Variants in CALN1 observed in about 807,000 individuals in gnomAD.
The protein encoded by CALN1 is calcium-binding protein 8.
A neutral mutation model predicts 30.6 loss-of-function variants in CALN1; 17 were observed. The observed-to-expected ratio is 0.56, with a 90% CI of 0.38 to 0.83. CALN1 has a LOEUF of 0.83. Among genes scored for constraint, CALN1 ranks in the 40% least tolerant of loss-of-function variants. The pLI is 0.00. For missense variants in CALN1, 291 were observed against 354.9 expected, an observed-to-expected ratio of 0.82 and a Z score of 1.45; for synonymous variants, 156 against 131.4, an observed-to-expected ratio of 1.19 and a Z score of -1.28.
intron 2 of CALN1, among the ~76,000 whole-genome samples, chr7:72,302,773 T>C (rs981740923): frequency 6.6e-6 from 1 of 151,054 alleles, no homozygotes; most frequent in African/African-American, 2.4e-5. Context: ...TGGGCACCTG[T>C]AGTCCCAGCT....
intron 5 of CALN1, among the ~76,000 whole-genome samples, chr7:71,846,816 C>T (rs1790268407): frequency 1.8e-5 from 2 of 113,626 alleles, no homozygotes; most frequent in South Asian, 6.2e-4. Flanking sequence ...GCAATATATA[C>T]ATAAATATGT....
At chr7:72,203,321 C>T (rs755097137) in intron 3 of CALN1, among the ~76,000 whole-genome samples, 6 of 151,760 alleles carry the variant, frequency 4.0e-5, no homozygotes, top group Admixed American at 6.6e-5. Context: ...CCTGCACATT[C>T]TGCACATGTA....
chr7:72,422,409 G>GC (rs1161204205), intron 1 of CALN1, among the ~76,000 whole-genome samples: 12 of 152,122 alleles, frequency 7.9e-5, no homozygotes, highest in African/African-American at 2.4e-4. Flanking sequence ...GTAACCACAA[G>GC]CCCCCCTGGC....
chr7:72,275,284 A>G (rs1209168283), intron 3 of CALN1, among the ~76,000 whole-genome samples: 1 of 152,084 alleles, frequency 6.6e-6, no homozygotes, highest in Non-Finnish European at 1.5e-5. Context: ...AGTGCCCCCA[A>G]CCAGCAGAAC....
chr7:72,306,877 TC>T, intron 2 of CALN1, among the ~76,000 whole-genome samples: 2 of 152,176 alleles, frequency 1.3e-5, no homozygotes, highest in Admixed American at 6.5e-5. Context: ...CCTATTTGGC[TC>T]AGAATAAATC....
chr7:71,953,372 C>T (rs1048110357), intron 5 of CALN1, among the ~76,000 whole-genome samples: 4 of 152,076 alleles, frequency 2.6e-5, no homozygotes, highest in Admixed American at 6.5e-5. Context: ...TAAGTAGATG[C>T]GTATCAACAC....
At chr7:72,142,860 A>G (rs1401321575) in intron 3 of CALN1, among the ~76,000 whole-genome samples, 1 of 152,172 alleles carries the variant, frequency 6.6e-6, no homozygotes, top group Non-Finnish European at 1.5e-5. Flanking sequence ...TACCCAGGCA[A>G]ACAAGGTCTG....
chr7:72,033,763 A>T (rs1230139050), intron 4 of CALN1, among the ~76,000 whole-genome samples: 1 of 152,162 alleles, frequency 6.6e-6, no homozygotes, highest in African/African-American at 2.4e-5. Context: ...TTCGATGCAG[A>T]GTCAGTAGAA....
At chr7:72,139,305 C>T (rs2129543338) in intron 3 of CALN1, among the ~76,000 whole-genome samples, 1 of 151,998 alleles carries the variant, frequency 6.6e-6, no homozygotes, top group African/African-American at 2.4e-5. Context: ...CCACACCCAC[C>T]CTCTTCTACC....
In CALN1 at chr7:72,330,302, G is replaced by T. The variant is rs919411242; in HGVS notation, c.120-51492C>A. Among the ~76,000 whole-genome samples the T allele has an allele frequency of 3.0e-4, 45 of 151,056 alleles. 1 individual carries two copies. The highest frequency in any genetic ancestry group is 2.4e-5 in the African/African-American group (1 of 40,990). On this transcript the variant is annotated intron_variant, in intron 2 of 6. Transcript: ENST00000395275. The stretch of plus-strand genomic sequence containing the variant: ...AGTGAGACTCCATCTCAAAAAATAA[G>T]AATAATGACACAAAAATTAGCTGGG...
chr7:71,958,154 T>C (rs1797064110), intron 5 of CALN1, among the ~76,000 whole-genome samples: 1 of 151,826 alleles, frequency 6.6e-6, no homozygotes, highest in African/African-American at 2.4e-5. Flanking sequence ...ACATGGTATA[T>C]TCCATCATGG....
chr7:72,127,651 A>C (rs73371756), intron 3 of CALN1, among the ~76,000 whole-genome samples: 1 of 152,278 alleles, frequency 6.6e-6, no homozygotes, highest in African/African-American at 2.4e-5. Flanking sequence ...GGACATCAGG[A>C]GGGCTCCAAG....
chr7:71,944,906 G>A (rs1796329664), intron 5 of CALN1, among the ~76,000 whole-genome samples: 1 of 152,152 alleles, frequency 6.6e-6, no homozygotes, highest in Non-Finnish European at 1.5e-5. Context: ...TCTTTCCCTA[G>A]AGGTGACTAC....
chr7:72,468,577 G>A, the CALN1 span, among the ~76,000 whole-genome samples: 1 of 152,170 alleles, frequency 6.6e-6, no homozygotes. Context: ...GCCTCCCAAA[G>A]TGCTGGTATT....
intron 2 of CALN1, among the ~76,000 whole-genome samples, chr7:72,308,463 G>C (rs1488653644): frequency 1.3e-5 from 2 of 151,376 alleles, no homozygotes; most frequent in Non-Finnish European, 2.9e-5. Context: ...GAGCTGCTTG[G>C]ATGCAATGCC....
chr7:72,054,407 A>G (rs1432053963), intron 4 of CALN1, among the ~76,000 whole-genome samples: 4 of 92,042 alleles, frequency 4.3e-5, no homozygotes, highest in Admixed American at 1.2e-4. Flanking sequence ...ATGTACATAT[A>G]TATATATATA....
chr7:72,414,982 G>A (rs921032715), upstream of CALN1, among the ~76,000 whole-genome samples: 1 of 152,210 alleles, frequency 6.6e-6, no homozygotes, highest in Non-Finnish European at 1.5e-5. Context: ...AATCCAATTG[G>A]ACTGTGGCTT....
intron 5 of CALN1, among the ~76,000 whole-genome samples, chr7:71,857,667 C>T (rs1791036878): frequency 6.6e-6 from 1 of 152,200 alleles, no homozygotes; most frequent in African/African-American, 2.4e-5. Flanking sequence ...AGAGGTGGCA[C>T]TGGCCAATCA....
At chr7:71,965,051 A>G (rs748265848) in intron 5 of CALN1, among the ~76,000 whole-genome samples, 4 of 152,106 alleles carry the variant, frequency 2.6e-5, no homozygotes, top group Admixed American at 6.6e-5. Flanking sequence ...TTTTGGAGAC[A>G]TGGTCTCACT....
Sources: allele counts gnomAD v4.1 joint callset (sites outside exome capture counted in the v4.1 genomes callset), GRCh38; gene constraint gnomAD v4.1.1; transcripts MANE v1.5; gene names NCBI Gene and HGNC (gene_info 2026-07-23, HGNC 2026-07-21).